Variants in IL1RAPL1 observed in about 807,000 individuals in gnomAD.
IL1RAPL1 encodes the protein interleukin-1 receptor accessory protein-like 1.
A neutral mutation model predicts 48.4 loss-of-function variants in IL1RAPL1; 3 were observed. That is an observed-to-expected ratio of 0.06 (90% confidence interval 0.03 to 0.16). The LOEUF (loss-of-function observed/expected upper bound fraction) is 0.16, where lower values mean the gene tolerates loss of function less well. IL1RAPL1 is among the 10% of genes least tolerant of loss of function. The pLI is 1.00. For synonymous variants in IL1RAPL1, 185 were observed against 187.7 expected (o/e 0.99, Z 0.12); for missense variants, 349 against 530.6 (o/e 0.66, Z 3.36).
chrX:28,742,358 C>A (rs1444006020), intron 1 of IL1RAPL1, among the ~76,000 whole-genome samples: 1 of 111,261 alleles, frequency 9.0e-6, no homozygotes, highest in Admixed American at 9.6e-5. Flanking sequence ...ATCTGCAGTT[C>A]AACAAAATCA....
intron 2 of IL1RAPL1, among the ~76,000 whole-genome samples, chrX:29,078,039 A>G (rs768840930): frequency 1.8e-5 from 2 of 112,358 alleles, no homozygotes; most frequent in South Asian, 7.4e-4. Flanking sequence ...GCACTTTGGG[A>G]GGCCGAGGCA....
At chrX:29,028,576 G>A (rs1262416522) in intron 2 of IL1RAPL1, among the ~76,000 whole-genome samples, 4 of 111,361 alleles carry the variant, frequency 3.6e-5, no homozygotes, top group Admixed American at 9.6e-5. Flanking sequence ...GTGAGCCACC[G>A]TGCCAGGCCT....
intron 6 of IL1RAPL1, among the ~76,000 whole-genome samples, chrX:29,685,268 C>T (rs753443585): frequency 1.1e-4 from 12 of 111,485 alleles, no homozygotes; most frequent in Non-Finnish European, 2.1e-4. Context: ...TTTGGGAGGC[C>T]GAGGTGGGCA....
rs764307247 is a variant in IL1RAPL1 at position 29,696,647 on chromosome X, C to T, written c.778+28143C>T. On this transcript the variant is annotated intron_variant, in intron 6 of 10. Transcript: ENST00000378993. ...ACAGCTCTGATGCTCTTTCCAATAT[C>T]GTTGCTTACCGCAGTTGGTCAACAT... 2.4e-3 allele frequency among the ~76,000 whole-genome samples: 274 copies of T among 111,868 alleles called. 2 individuals carry two copies. Among genetic ancestry groups the T allele is most frequent in the Non-Finnish European group, 3.3e-3 (174 of 53,196 alleles).
chrX:29,713,606 C>T (rs1019448199), intron 6 of IL1RAPL1, among the ~76,000 whole-genome samples: 7 of 111,236 alleles, frequency 6.3e-5, no homozygotes, highest in African/African-American at 2.3e-4. Context: ...GGTGGAGTAG[C>T]AAGGTGTGGT....
chrX:29,949,733 C>T (rs1933280900), intron 9 of IL1RAPL1, among the ~76,000 whole-genome samples: 1 of 111,950 alleles, frequency 8.9e-6, no homozygotes, highest in African/African-American at 3.2e-5. Flanking sequence ...AAGATGTCAG[C>T]TTTTCAAAGT....
At chrX:28,956,474 G>T (rs995699704) in intron 2 of IL1RAPL1, among the ~76,000 whole-genome samples, 1 of 110,478 alleles carries the variant, frequency 9.1e-6, no homozygotes, top group African/African-American at 3.3e-5. Context: ...AGCATGAAGG[G>T]TTGCTGAATT....
At chrX:28,631,702 T>C (rs1934403291) in intron 1 of IL1RAPL1, among the ~76,000 whole-genome samples, 1 of 112,752 alleles carries the variant, frequency 8.9e-6, no homozygotes, top group Non-Finnish European at 1.9e-5. Flanking sequence ...TTCTCCAAAG[T>C]AGATTTTCTT....
chrX:29,752,103 T>TATATATAC (rs1383320614), intron 6 of IL1RAPL1, among the ~76,000 whole-genome samples: 17 of 96,398 alleles, frequency 1.8e-4, no homozygotes, highest in African/African-American at 6.7e-4. Context: ...TATATATATA[T>TATATATAC]ACACACATAT....
At chrX:29,257,198 G>A (rs1931771432) in intron 2 of IL1RAPL1, among the ~76,000 whole-genome samples, 1 of 111,337 alleles carries the variant, frequency 9.0e-6, no homozygotes, top group Admixed American at 9.6e-5. Flanking sequence ...AACAAGCCTA[G>A]TATGTCTCTG....
chrX:28,844,295 C>G (rs1310795349), intron 2 of IL1RAPL1, among the ~76,000 whole-genome samples: 1 of 105,763 alleles, frequency 9.5e-6, no homozygotes, highest in Non-Finnish European at 2.0e-5. Context: ...TTTACGTTCC[C>G]ACCTTTTGAA....
At chrX:28,589,110 G>T (rs1473219623) in intron 1 of IL1RAPL1, among the ~76,000 whole-genome samples, 2 of 111,794 alleles carry the variant, frequency 1.8e-5, no homozygotes, top group Non-Finnish European at 3.8e-5. Flanking sequence ...CAATGCTAAA[G>T]TTCCATATTC....
intron 5 of IL1RAPL1, among the ~76,000 whole-genome samples, chrX:29,415,923 C>T (rs1447020502): frequency 8.9e-6 from 1 of 111,774 alleles, no homozygotes; most frequent in African/African-American, 3.3e-5. Flanking sequence ...AACAACAGTG[C>T]ATAGAATCAA....
chrX:29,531,247 G>C (rs1400848778), intron 5 of IL1RAPL1, among the ~76,000 whole-genome samples: 1 of 110,331 alleles, frequency 9.1e-6, no homozygotes, highest in Non-Finnish European at 1.9e-5. Context: ...ATGACAATCA[G>C]TTACTTAGGA....
chrX:29,766,046 C>T (rs1211711374), intron 6 of IL1RAPL1, among the ~76,000 whole-genome samples: 1 of 109,095 alleles, frequency 9.2e-6, no homozygotes, highest in Non-Finnish European at 1.9e-5. Flanking sequence ...AAAAATGATT[C>T]CCGGCTGGGC....
At chrX:29,202,797 G>A (rs1380649469) in intron 2 of IL1RAPL1, among the ~76,000 whole-genome samples, 1 of 111,715 alleles carries the variant, frequency 9.0e-6, no homozygotes, top group East Asian at 2.8e-4. Context: ...CTATAAGTGG[G>A]AACCAAACAT....
intron 2 of IL1RAPL1, among the ~76,000 whole-genome samples, chrX:28,880,713 T>C (rs776019086): frequency 9.0e-6 from 1 of 111,610 alleles, no homozygotes; most frequent in East Asian, 2.8e-4. Context: ...GAGCATGCAT[T>C]GTCACATATA....
chrX:29,132,360 C>A (rs772619228), intron 2 of IL1RAPL1, among the ~76,000 whole-genome samples: 76 of 112,122 alleles, frequency 6.8e-4, no homozygotes, highest in African/African-American at 2.0e-3. Flanking sequence ...CTAATGACAT[C>A]ATATTTTCTA....
At chrX:28,932,102 G>A (rs767594148) in intron 2 of IL1RAPL1, among the ~76,000 whole-genome samples, 2 of 110,250 alleles carry the variant, frequency 1.8e-5, no homozygotes, top group Non-Finnish European at 3.8e-5. Context: ...GCATATATGA[G>A]CATATGCATT....
Sources: allele counts gnomAD v4.1 joint callset (sites outside exome capture counted in the v4.1 genomes callset), GRCh38; gene constraint gnomAD v4.1.1; transcripts MANE v1.5; gene names NCBI Gene and HGNC (gene_info 2026-07-23, HGNC 2026-07-21).